MIS12: variants seen among roughly 807,000 people sequenced by gnomAD.
The protein encoded by MIS12 is protein MIS12 homolog.
In MIS12, 13 loss-of-function variants were observed where a neutral mutation model predicts 16.5. The observed-to-expected ratio is 0.79, with a 90% confidence interval of 0.51 to 1.25. The LOEUF is 1.25. Ranked by LOEUF, MIS12 falls within the 50% of genes most tolerant of loss-of-function variation. MIS12 has a pLI of 0.00. For synonymous variants in MIS12, 97 were observed against 87.3 expected (o/e 1.11, Z -0.62); for missense variants, 199 against 239.5 (o/e 0.83, Z 1.12).
At position 5,489,505 on chromosome 17, in the gene MIS12, C is replaced by G; in HGVS notation, c.*25C>G. The G allele has an allele frequency of 6.4e-7, 1 of 1,551,754 alleles. No individual in the cohort carries two copies. The highest frequency in any genetic ancestry group is 8.6e-7 in the Non-Finnish European group (1 of 1,156,372). ...ATTGCTCAGTAGTCAAAAGGAGGAG[C>G]CTGTCAAAAAGTAGAATCATAAGGA... On this transcript the variant is annotated 3_prime_UTR_variant, in exon 3 of 3. Transcript: ENST00000611091.
chr17:5,489,575 C>A lies in MIS12; in HGVS notation c.*95C>A. 2 of 1,283,374 alleles carry A rather than the reference C, an allele frequency of 1.6e-6. No homozygotes were observed. Among genetic ancestry groups the A allele is most frequent in the Non-Finnish European group, 2.1e-6 (2 of 941,626 alleles). 79.5% of individuals were successfully genotyped at this position (1,283,374 alleles called of 1,614,324 possible). A position where few individuals can be genotyped will look rare whatever the true frequency, so the allele number is the denominator to read the frequency against. On this transcript the variant is annotated 3_prime_UTR_variant, in exon 3 of 3. Coordinates refer to ENST00000611091, the MANE Select transcript of MIS12 (RefSeq NM_001258217.2). Reference sequence around the variant, plus strand: ...TGTTCAAATCATACCAGTGACTGTTCAAACCAACCATACTTTTTATTAGAT... The same window carrying A: ...TGTTCAAATCATACCAGTGACTGTTAAAACCAACCATACTTTTTATTAGAT...
rs1002739768 is a variant in MIS12, at chr17:5,489,585, A to G, written c.*105A>G. 5 of 1,234,126 alleles carry G rather than the reference A, an allele frequency of 4.1e-6. No homozygotes were observed. In the Admixed American group the frequency reaches 1.4e-4, roughly 35 times the overall value. 76.4% of individuals were successfully genotyped at this position (1,234,126 alleles called of 1,614,324 possible). The stretch of plus-strand genomic sequence containing the variant: ...ATACCAGTGACTGTTCAAACCAACC[A>G]TACTTTTTATTAGATTTGCTTTGTC... On this transcript the variant is annotated 3_prime_UTR_variant, in exon 3 of 3. Transcript: ENST00000611091.
chr17:5,487,499 A>G (rs920406394), intron 1 of MIS12: 1 of 151,634 alleles, frequency 6.6e-6, no homozygotes, highest in African/African-American at 2.4e-5. Flanking sequence ...AGTTATAACC[A>G]CTCCATATTT....
Position 5,490,722 on chromosome 17 carries a change from T to C in MIS12, c.*1242T>C, listed in dbSNP as rs1906725816. Reference sequence around the variant, plus strand: ...GGGTGTATTTGCAATGAAATATTCATAGATATTGAAAGCTTGTGTTTACAT... The same window carrying C: ...GGGTGTATTTGCAATGAAATATTCACAGATATTGAAAGCTTGTGTTTACAT... On this transcript the variant is annotated 3_prime_UTR_variant, in exon 3 of 3. Coordinates refer to ENST00000611091, the MANE Select transcript of MIS12 (RefSeq NM_001258217.2). The C allele has an allele frequency of 6.0e-6, 1 of 167,120 alleles. No homozygotes were observed. 10.4% of individuals were successfully genotyped at this position (167,120 alleles called of 1,614,324 possible).
In MIS12 at chr17:5,489,127, C is replaced by G. The variant is rs564442358; in HGVS notation, c.265C>G (p.Leu89Val). 1.2e-6 allele frequency: 2 copies of G among 1,614,198 alleles called. No individual in the cohort carries two copies. The highest frequency in any genetic ancestry group is 3.3e-5 in the Admixed American group (2 of 60,022). ...CAAAATGGAGCAACTGTTTTTGCAGCTGATTTTACGTATTCCCTCAAACAT... is the reference window on the plus strand; with the variant it reads ...CAAAATGGAGCAACTGTTTTTGCAGGTGATTTTACGTATTCCCTCAAACAT... ...FSKMEQLFLQLILRIPSNILL... is the reference protein window; with the variant it reads ...FSKMEQLFLQVILRIPSNILL... The change falls in exon 3 of 3, where the codon CTG becomes GTG. Residue 89 changes from leucine (L) to valine (V), a missense_variant. Transcript: ENST00000611091.
chr17:5,487,524 T>C (rs1906446863), intron 1 of MIS12: 1 of 152,192 alleles, frequency 6.6e-6, no homozygotes, highest in African/African-American at 2.4e-5. Flanking sequence ...ATTACAAACG[T>C]AAATTTTTAT....
Position 5,489,463 on chromosome 17 carries a change from C to T in MIS12, c.601C>T (p.Arg201Ter), listed in dbSNP as rs150024665. The change falls in exon 3 of 3, where the codon CGA (arginine) becomes TGA (stop). Residue 201 changes from arginine (R) to a stop codon, truncating the protein, a stop_gained. Coordinates refer to ENST00000611091, the MANE Select transcript of MIS12 (RefSeq NM_001258217.2). LOFTEE classifies it high-confidence loss of function. Reference protein sequence around the residue: ...IRDNVEKESKRLKIS With the variant: ...IRDNVEKESK The stretch of plus-strand genomic sequence containing the variant: ...AGACAATGTGGAAAAGGAATCGAAA[C>T]GACTGAAAATATCTTAATTGCTCAG... 6.8e-5 allele frequency: 108 copies of T among 1,586,948 alleles called. No homozygotes were observed. In the African/African-American group the frequency reaches 1.2e-3, roughly 18 times the overall value.
intron 1 of MIS12, chr17:5,486,927 C>T (rs1040472910): frequency 6.6e-6 from 1 of 152,312 alleles, no homozygotes; most frequent in Non-Finnish European, 1.5e-5. Context: ...GACAGCTCAA[C>T]TCGCCGAGAT....
chr17:5,489,631 G>T lies in MIS12; in HGVS notation c.*151G>T. 1.1e-6 allele frequency: 1 copy of T among 944,146 alleles called. No individual in the cohort carries two copies. Among genetic ancestry groups the T allele is most frequent in the Non-Finnish European group, 1.5e-6 (1 of 654,884 alleles). 58.5% of individuals were successfully genotyped at this position (944,146 alleles called of 1,614,324 possible). A position where few individuals can be genotyped will look rare whatever the true frequency, so the allele number is the denominator to read the frequency against. ...TTGTCAACTCTTTCTTGTATTCTGTGTTTTCCTCTTTTTTGGTCCACTTTG... is the reference window on the plus strand; with the variant it reads ...TTGTCAACTCTTTCTTGTATTCTGTTTTTTCCTCTTTTTTGGTCCACTTTG... On this transcript the variant is annotated 3_prime_UTR_variant, in exon 3 of 3. Coordinates refer to ENST00000611091, the MANE Select transcript of MIS12 (RefSeq NM_001258217.2).
In MIS12 at chr17:5,489,110, A is replaced by G; in HGVS notation, c.248A>G (p.Glu83Gly). The G allele has an allele frequency of 1.9e-6, 3 of 1,614,226 alleles. No homozygotes were observed. The highest frequency in any genetic ancestry group is 2.2e-5 in the South Asian group (2 of 91,084). ...TTTGATAACCTTTTTAGCAAAATGG[A>G]GCAACTGTTTTTGCAGCTGATTTTA... is the stretch of plus-strand genomic sequence containing the variant. Reference protein sequence around the residue: ...GHFDNLFSKMEQLFLQLILRI... With the variant: ...GHFDNLFSKMGQLFLQLILRI... Residue 83 changes from glutamate (E) to glycine (G), a missense_variant, in exon 3 of 3, where the codon GAG (glutamate) becomes GGG (glycine). Glu to Gly is a moderately conservative substitution (Grantham distance 98, BLOSUM62 -2). Transcript: ENST00000611091.
Sources: gnomAD v4.1 joint callset for allele counts on GRCh38, gnomAD v4.1.1 for gene constraint, MANE v1.5 for transcripts, NCBI Gene and HGNC (gene_info 2026-07-23, HGNC 2026-07-21) for gene names.